The following PCDHGB3 variants were observed in gnomAD, a reference collection of about 807,000 sequenced individuals.
PCDHGB3 encodes the protein protocadherin gamma subfamily B, 3.
Under a neutral mutation model 59.2 loss-of-function variants are expected in PCDHGB3, and 40 were observed. That is an observed-to-expected ratio of 0.68 (90% CI 0.52 to 0.88). The LOEUF is 0.88. Among genes scored for constraint, PCDHGB3 ranks in the 40% least tolerant of loss-of-function variants. The probability of loss-of-function intolerance (pLI) is 0.00; values close to 1 mark genes in which losing one functional copy is unlikely to be tolerated. For missense variants in PCDHGB3, 1,309 were observed against 1,187.9 expected (o/e 1.10, Z -1.50); for synonymous variants, 581 against 503.6 (o/e 1.15, Z -2.06).
intron 1 of PCDHGB3, among the ~76,000 whole-genome samples, chr5:141,442,910 C>G (rs1419319938): frequency 6.6e-6 from 1 of 152,196 alleles, no homozygotes; most frequent in African/African-American, 2.4e-5. Flanking sequence ...TCCTTCAGCA[C>G]ACAACTGTTT....
rs1169280813 is a variant in PCDHGB3, at chr5:141,370,352, C to T, written c.-43C>T. The T allele has an allele frequency of 6.7e-7, 1 of 1,499,528 alleles. No individual in the cohort carries two copies. Among genetic ancestry groups the T allele is most frequent in the Non-Finnish European group, 8.9e-7 (1 of 1,119,734 alleles). 92.9% of individuals were successfully genotyped at this position (1,499,528 alleles called of 1,614,324 possible). On this transcript the variant is annotated 5_prime_UTR_variant, in exon 1 of 4. Transcript: ENST00000576222. ...AGAACTCTTGGGATTATTTAAAGAT[C>T]TCCTCTCCTCGGATTTAGAAAGGCA...
intron 3 of PCDHGB3, among the ~76,000 whole-genome samples, chr5:141,505,926 G>A (rs114056147): frequency 0.012 from 1,893 of 152,254 alleles, 12 homozygotes; most frequent in Middle Eastern, 0.034. Context: ...TGGGCCTGGC[G>A]CTTGGAAGCC....
intron 1 of PCDHGB3, among the ~76,000 whole-genome samples, chr5:141,386,562 A>G (rs979902403): frequency 3.0e-4 from 45 of 152,130 alleles, no homozygotes; most frequent in Non-Finnish European, 4.7e-4. Context: ...TATTTTGCAC[A>G]TGATAGACTC....
chr5:141,459,862 C>T (rs931723906), intron 1 of PCDHGB3, among the ~76,000 whole-genome samples: 3 of 152,158 alleles, frequency 2.0e-5, no homozygotes, highest in East Asian at 1.9e-4. Context: ...TTGAAGCATT[C>T]GTTCATCTTT....
At position 141,485,049 on chromosome 5, in the gene PCDHGB3, G is replaced by A; in HGVS notation, c.2416-9758G>A. The A allele has an allele frequency of 1.3e-6, 1 of 780,438 alleles. No individual in the cohort carries two copies. 48.3% of individuals were successfully genotyped at this position (780,438 alleles called of 1,614,324 possible). ...AACGGCGCGTAACCCTTGCGGCGCC[G>A]GCCGAACCGCGCCAGAGCTGGCGCG... On this transcript the variant is annotated intron_variant, in intron 1 of 3. Coordinates refer to ENST00000576222, the MANE Select transcript of PCDHGB3 (RefSeq NM_018924.5). This position sits in a 1 kb window ranked among gnomAD's most constrained non-coding sequence, Gnocchi z 5.7.
intron 1 of PCDHGB3, among the ~76,000 whole-genome samples, chr5:141,436,720 A>G (rs1337926057): frequency 1.5e-4 from 23 of 152,216 alleles, no homozygotes; most frequent in Non-Finnish European, 3.4e-4. Context: ...TCTGTTGGGA[A>G]AAATAATAAT....
chr5:141,507,616 G>A (rs1288020739), intron 3 of PCDHGB3, among the ~76,000 whole-genome samples: 3 of 152,252 alleles, frequency 2.0e-5, no homozygotes, highest in Non-Finnish European at 4.4e-5. Context: ...GGTATATTTA[G>A]CTGTTGTGGC....
chr5:141,459,989 A>G (rs2098979714), intron 1 of PCDHGB3, among the ~76,000 whole-genome samples: 1 of 152,204 alleles, frequency 6.6e-6, no homozygotes, highest in Non-Finnish European at 1.5e-5. Flanking sequence ...GAGACAGGAG[A>G]ATCGCTTGAA....
intron 1 of PCDHGB3, among the ~76,000 whole-genome samples, chr5:141,444,733 G>A (rs1464370133): frequency 6.6e-6 from 1 of 152,106 alleles, no homozygotes; most frequent in Non-Finnish European, 1.5e-5. Flanking sequence ...TTTGTTGAAA[G>A]TCATTTCACT....
At chr5:141,433,358 C>CCTAG (rs1554125965) in intron 1 of PCDHGB3, 2 of 498,106 alleles carry the variant, frequency 4.0e-6, no homozygotes, top group African/African-American at 4.2e-5. Flanking sequence ...CTACTGTCTG[C>CCTAG]CTATCTATCT....
chr5:141,446,266 A>C (rs1268290014), intron 1 of PCDHGB3, among the ~76,000 whole-genome samples: 1 of 152,174 alleles, frequency 6.6e-6, no homozygotes, highest in African/African-American at 2.4e-5. Context: ...TTATTAACTG[A>C]ATAAATACAA....
Position 141,487,491 on chromosome 5 carries a change from C to T in PCDHGB3, c.2416-7316C>T. ...GTGGGAGGCCACTCTCATGGCTGTA[C>T]ACCCTTGGCTTCTGCACCCACTCGG... is the stretch of plus-strand genomic sequence containing the variant. On this transcript the variant is annotated intron_variant, in intron 1 of 3. Transcript: ENST00000576222. This position sits in a 1 kb window ranked among gnomAD's most constrained non-coding sequence, Gnocchi z 5.0. 6.2e-7 allele frequency: 1 copy of T among 1,614,204 alleles called. No individual in the cohort carries two copies. Among genetic ancestry groups the T allele is most frequent in the Non-Finnish European group, 8.5e-7 (1 of 1,180,034 alleles).
rs2099698809 is a variant in PCDHGB3 at position 141,490,343 on chromosome 5, T to C, written c.2416-4464T>C. On this transcript the variant is annotated intron_variant, in intron 1 of 3. Transcript: ENST00000576222. This position sits in a 1 kb window ranked among gnomAD's most constrained non-coding sequence, Gnocchi z 5.4. ...CTAGAGAGCACACCAGTGGGCACAG[T>C]AGTGGGGTTGTTTAATGTGCGAGAC... The C allele has an allele frequency of 6.2e-7, 1 of 1,614,018 alleles. No individual in the cohort carries two copies. Among genetic ancestry groups the C allele is most frequent in the Admixed American group, 1.7e-5 (1 of 60,006 alleles).
chr5:141,382,477 A>C (rs906879449), intron 1 of PCDHGB3, among the ~76,000 whole-genome samples: 5 of 152,240 alleles, frequency 3.3e-5, no homozygotes, highest in African/African-American at 1.2e-4. Context: ...ATTATCTAAG[A>C]TTATCAAACA....
chr5:141,394,128 G>T, intron 1 of PCDHGB3: 10 of 1,613,730 alleles, frequency 6.2e-6, no homozygotes, highest in Non-Finnish European at 5.9e-6. Context: ...AACTCAAATC[G>T]CTCTGCACGT....
At chr5:141,385,027 G>T (rs1487991378) in intron 1 of PCDHGB3, 3 of 1,614,036 alleles carry the variant, frequency 1.9e-6, no homozygotes, top group East Asian at 2.2e-5. Context: ...CTTCGTCCTC[G>T]TACTGCTGGC....
intron 1 of PCDHGB3, among the ~76,000 whole-genome samples, chr5:141,446,022 T>C (rs2098484874): frequency 1.3e-5 from 2 of 152,198 alleles, no homozygotes; most frequent in Admixed American, 1.3e-4. Flanking sequence ...TATGGCAATA[T>C]TCCTGGTAAG....
intron 1 of PCDHGB3, chr5:141,399,617 T>G: frequency 6.2e-7 from 1 of 1,613,944 alleles, no homozygotes; most frequent in Non-Finnish European, 8.5e-7. Flanking sequence ...CCTCTGGCAC[T>G]GGCCTCTTAC....
chr5:141,399,797 G>T, intron 1 of PCDHGB3: 2 of 1,613,192 alleles, frequency 1.2e-6, no homozygotes, highest in Non-Finnish European at 8.5e-7. Context: ...AACGCACCGC[G>T]GGTGCTGTAC....
Sources: gnomAD v4.1 joint callset for allele counts (sites outside exome capture counted in the v4.1 genomes callset) on GRCh38, gnomAD v4.1.1 for gene constraint, Gnocchi (gnomAD v3.1) non-coding constraint, MANE v1.5 for transcripts, NCBI Gene and HGNC (gene_info 2026-07-23, HGNC 2026-07-21) for gene names.